Variants in MLLT1 observed in about 807,000 individuals in gnomAD.
MLLT1 encodes the protein protein ENL.
MLLT1 carries 11 observed loss-of-function variants against 55.1 expected under a neutral mutation model. That is an observed-to-expected ratio of 0.20 (90% CI 0.13 to 0.33). The LOEUF (loss-of-function observed/expected upper bound fraction) is 0.33, where lower values mean the gene tolerates loss of function less well. MLLT1 is among the 10% of genes least tolerant of loss of function. MLLT1 has a pLI of 1.00. For missense variants in MLLT1, 536 were observed against 760.6 expected, an observed-to-expected ratio of 0.70 and a Z score of 3.47; for synonymous variants, 323 against 320.1, an observed-to-expected ratio of 1.01 and a Z score of -0.10.
Position 6,213,811 on chromosome 19 carries a change from A to C in MLLT1, c.1408-14T>G, listed in dbSNP as rs745515768. The C allele has an allele frequency of 3.7e-5, 59 of 1,612,720 alleles. No individual in the cohort carries two copies. The highest frequency in any genetic ancestry group is 1.7e-4 in the Middle Eastern group (1 of 6,056). On this transcript the variant is annotated splice_polypyrimidine_tract_variant and intron_variant, in intron 9 of 11. Coordinates refer to ENST00000252674, the MANE Select transcript of MLLT1 (RefSeq NM_005934.4). The stretch of plus-strand genomic sequence containing the variant: ...CCGGCCTGACACCTGCAGGGAACCC[A>C]GGTCTCTGCTGAGCTGTGGCCCACA...
rs1471388816 is a variant in MLLT1 at position 6,249,387 on chromosome 19, A to C, written c.276+12841T>G. 2.6e-5 allele frequency among the ~76,000 whole-genome samples: 4 copies of C among 152,194 alleles called. No homozygotes were observed. The East Asian group carries it at 7.7e-4, about 29-fold the overall frequency. On this transcript the variant is annotated intron_variant, in intron 3 of 11. Transcript: ENST00000252674. ...GGAAGGGCTTTAAATATCTCTGACC[A>C]CTTCCAGGACAACAAACAGATACAA...
At chr19:6,216,371 C>G in intron 8 of MLLT1, 34 bp downstream of exon 8, 1 of 1,528,460 alleles carries the variant, frequency 6.5e-7, no homozygotes, top group African/African-American at 1.4e-5. Flanking sequence ...CCCGGGTGGC[C>G]GCCTCCGCCC....
At chr19:6,253,292 A>T (rs942850864) in intron 3 of MLLT1, among the ~76,000 whole-genome samples, 2 of 150,224 alleles carry the variant, frequency 1.3e-5, no homozygotes. Flanking sequence ...AAAAAAAAAA[A>T]AAGAAGTGGA....
chr19:6,251,925 A>C (rs1188138828), intron 3 of MLLT1, among the ~76,000 whole-genome samples: 2 of 152,212 alleles, frequency 1.3e-5, no homozygotes, highest in Non-Finnish European at 2.9e-5. Flanking sequence ...ACTGCACTCC[A>C]GTCTAGGTGA....
intron 3 of MLLT1, among the ~76,000 whole-genome samples, chr19:6,245,587 T>C (rs2091160803): frequency 6.6e-6 from 1 of 152,156 alleles, no homozygotes; most frequent in Non-Finnish European, 1.5e-5. Flanking sequence ...GGCAGGCACC[T>C]GTAGTCCCAG....
At chr19:6,236,957 C>T (rs969785589) in intron 3 of MLLT1, among the ~76,000 whole-genome samples, 4 of 152,254 alleles carry the variant, frequency 2.6e-5, no homozygotes, top group Non-Finnish European at 5.9e-5. Context: ...GCGAGCAGCT[C>T]CCCACTCCCA....
At chr19:6,249,619 C>T (rs1013598636) in intron 3 of MLLT1, among the ~76,000 whole-genome samples, 2 of 152,212 alleles carry the variant, frequency 1.3e-5, no homozygotes, top group Admixed American at 6.5e-5. Flanking sequence ...CACCCGGATC[C>T]CCCCTTGAAG....
In MLLT1 at chr19:6,218,038, C is replaced by T. The variant is rs2090862541; in HGVS notation, c.1114G>A (p.Ala372Thr). The part of the protein sequence containing the change: ...EDEASFKSES[A>T]QSSPSNSSSS... The stretch of plus-strand genomic sequence containing the variant: ...CTGGAGTTGGACGGGCTTGACTGGG[C>T]AGACTTCACCCAATGGTGGGATGGG... Residue 372 changes from alanine to threonine, a missense_variant, in exon 7 of 12, where the codon GCC (alanine) becomes ACC (threonine). Physicochemically the swap from Ala to Thr is moderately conservative, Grantham distance 58. Coordinates refer to ENST00000252674, the MANE Select transcript of MLLT1 (RefSeq NM_005934.4). The T allele has an allele frequency of 1.9e-6, 3 of 1,608,208 alleles. No individual in the cohort carries two copies. In the South Asian group the frequency reaches 3.3e-5, roughly 18 times the overall value.
chr19:6,247,555 G>A (rs990840809), intron 3 of MLLT1, among the ~76,000 whole-genome samples: 1 of 152,192 alleles, frequency 6.6e-6, no homozygotes, highest in Non-Finnish European at 1.5e-5. Flanking sequence ...AAATGGAAGA[G>A]AAGGGACGGC....
At chr19:6,268,131 T>C (rs1201112253) in intron 2 of MLLT1, among the ~76,000 whole-genome samples, 1 of 152,136 alleles carries the variant, frequency 6.6e-6, no homozygotes, top group East Asian at 1.9e-4. Context: ...TGTGTGGGTG[T>C]ATTGGGCAAC....
intron 3 of MLLT1, among the ~76,000 whole-genome samples, chr19:6,242,611 T>C (rs772724848): frequency 6.6e-6 from 1 of 152,236 alleles, no homozygotes; most frequent in Non-Finnish European, 1.5e-5. Flanking sequence ...GTACCCCTCA[T>C]GTGCTTTCTC....
chr19:6,210,993 A>G lies in MLLT1; in HGVS notation c.*2049T>C, dbSNP rs991704700. Reference sequence around the variant, plus strand: ...AGGGCCAGACGCCACCACCGAGAGCAGGCGGGGGAGCCCGACCCTCCTCTG... The same window carrying G: ...AGGGCCAGACGCCACCACCGAGAGCGGGCGGGGGAGCCCGACCCTCCTCTG... On this transcript the variant is annotated 3_prime_UTR_variant, in exon 12 of 12. Coordinates refer to ENST00000252674, the MANE Select transcript of MLLT1 (RefSeq NM_005934.4). The surrounding 1 kb of genome is among the most constrained non-coding windows in gnomAD (Gnocchi z 4.6). The G allele has an allele frequency of 9.9e-5, 23 of 231,424 alleles. No individual in the cohort carries two copies. The highest frequency in any genetic ancestry group is 2.9e-4 in the African/African-American group (13 of 45,266). 14.3% of individuals were successfully genotyped at this position (231,424 alleles called of 1,614,324 possible).
At chr19:6,218,225 C>T (rs987163926) in intron 6 of MLLT1, among the ~76,000 whole-genome samples, 184 bp from the exon 7 acceptor site, 2 of 152,214 alleles carry the variant, frequency 1.3e-5, no homozygotes, top group South Asian at 2.1e-4. Flanking sequence ...CCAGGCCATG[C>T]GCAGCCTATA....
intron 1 of MLLT1, among the ~76,000 whole-genome samples, chr19:6,272,140 C>T (rs1018596322): frequency 2.6e-5 from 4 of 151,722 alleles, no homozygotes; most frequent in African/African-American, 4.9e-5. Context: ...GAAGGAAGCC[C>T]GAGCCCCGCG....
At chr19:6,228,603 GA>G (rs1568280302) in intron 4 of MLLT1, among the ~76,000 whole-genome samples, 1 of 152,212 alleles carries the variant, frequency 6.6e-6, no homozygotes, top group African/African-American at 2.4e-5. Context: ...GAGGAGCAGA[GA>G]AAGCAGCGCT....
chr19:6,245,116 G>C (rs1186099262), intron 3 of MLLT1, among the ~76,000 whole-genome samples: 1 of 152,136 alleles, frequency 6.6e-6, no homozygotes, highest in Non-Finnish European at 1.5e-5. Flanking sequence ...TGAGGCAGGA[G>C]GATCACTTGA....
intron 1 of MLLT1, among the ~76,000 whole-genome samples, chr19:6,279,148 C>T (rs538514620): frequency 5.9e-5 from 9 of 152,038 alleles, no homozygotes; most frequent in Admixed American, 5.9e-4. Context: ...AGAGAGACGC[C>T]GCAGAGCAGG....
chr19:6,230,436 G>A lies in MLLT1; in HGVS notation c.420+134C>T. 1 of 1,093,486 alleles carries A rather than the reference G, an allele frequency of 9.1e-7. No individual in the cohort carries two copies. Among genetic ancestry groups the A allele is most frequent in the Admixed American group, 2.7e-5 (1 of 36,464 alleles). 67.7% of individuals were successfully genotyped at this position (1,093,486 alleles called of 1,614,324 possible). On this transcript the variant is annotated intron_variant, in intron 4 of 11. Transcript: ENST00000252674. The surrounding 1 kb of genome is among the most constrained non-coding windows in gnomAD (Gnocchi z 9.0). ...GAGCTCCCAGGTCCCCTCCAGCTCT[G>A]CTGGGTGCTGCCGTGTGACCTGCGC...
rs1322924839 is a variant in MLLT1 at position 6,273,936 on chromosome 19, G to C, written c.13-3177C>G. 2.0e-5 allele frequency among the ~76,000 whole-genome samples: 3 copies of C among 152,216 alleles called. No individual in the cohort carries two copies. Among genetic ancestry groups the C allele is most frequent in the Non-Finnish European group, 4.4e-5 (3 of 68,044 alleles). ...AAAGACCGCGGTTCCACTGGAGAGGGGGAGGATGGAAGCACCAGAACTCCA... is the reference window on the plus strand; with the variant it reads ...AAAGACCGCGGTTCCACTGGAGAGGCGGAGGATGGAAGCACCAGAACTCCA... On this transcript the variant is annotated intron_variant, in intron 1 of 11. Coordinates refer to ENST00000252674, the MANE Select transcript of MLLT1 (RefSeq NM_005934.4). The surrounding 1 kb of genome is among the most constrained non-coding windows in gnomAD (Gnocchi z 4.3).
Sources: gnomAD v4.1 joint callset for allele counts (sites outside exome capture counted in the v4.1 genomes callset) on GRCh38, gnomAD v4.1.1 for gene constraint, Gnocchi (gnomAD v3.1) non-coding constraint, MANE v1.5 for transcripts, NCBI Gene and HGNC (gene_info 2026-07-23, HGNC 2026-07-21) for gene names.